ADAP1: variants seen among roughly 807,000 people sequenced by gnomAD.
ADAP1 encodes ArfGAP with dual PH domains 1, also known as arf-GAP with dual PH domain-containing protein 1.
Under a neutral mutation model 54.9 loss-of-function variants are expected in ADAP1, and 31 were observed. That is an observed-to-expected ratio of 0.56 (90% CI 0.42 to 0.76). ADAP1 has a LOEUF of 0.76. Ranked by LOEUF, ADAP1 falls within the 30% of genes least tolerant of loss-of-function variation. The pLI is 0.00. For synonymous variants in ADAP1, 313 were observed against 202.6 expected (o/e 1.55, Z -4.63); for missense variants, 535 against 512.4 (o/e 1.04, Z -0.42).
intron 3 of ADAP1, chr7:923,404 A>C (rs1314086096): frequency 6.6e-6 from 1 of 151,762 alleles, no homozygotes; most frequent in Non-Finnish European, 1.5e-5. Context: ...CACAGGAAGC[A>C]GGGAGGGGCC....
chr7:918,234 T>C (rs2128103898), intron 4 of ADAP1, among the ~76,000 whole-genome samples: 1 of 152,212 alleles, frequency 6.6e-6, no homozygotes, highest in Admixed American at 6.5e-5. Flanking sequence ...TTTTTGTTTC[T>C]AAGACAGAGT....
chr7:935,152 G>A (rs749961397), intron 2 of ADAP1: 56 of 690,924 alleles, frequency 8.1e-5, no homozygotes, highest in Non-Finnish European at 1.4e-4. Context: ...CACACCTGGA[G>A]CTGCTCACAG....
chr7:903,329 C>T (rs1309083952), intron 6 of ADAP1, among the ~76,000 whole-genome samples: 1 of 152,144 alleles, frequency 6.6e-6, no homozygotes, highest in Non-Finnish European at 1.5e-5. Context: ...AGAGCTGGAA[C>T]CTCTACTTCC....
At chr7:925,360 TTAAA>T (rs1562928797) in intron 3 of ADAP1, among the ~76,000 whole-genome samples, 2 of 73,452 alleles carry the variant, frequency 2.7e-5, no homozygotes, top group African/African-American at 1.2e-4. Flanking sequence ...GTCTCTATAT[TTAAA>T]AAAAAAAAAA....
At chr7:925,915 G>A (rs928774488) in intron 3 of ADAP1, among the ~76,000 whole-genome samples, 1 of 152,180 alleles carries the variant, frequency 6.6e-6, no homozygotes, top group African/African-American at 2.4e-5. Flanking sequence ...GCACCCAGTG[G>A]GCCAACACGT....
At chr7:922,385 C>T (rs1175506531) in intron 3 of ADAP1, among the ~76,000 whole-genome samples, 1 of 152,100 alleles carries the variant, frequency 6.6e-6, no homozygotes, top group African/African-American at 2.4e-5. Flanking sequence ...GGCAGGGGGC[C>T]GGGCAGGTGC....
At chr7:923,591 G>A (rs565795687) in intron 3 of ADAP1, among the ~76,000 whole-genome samples, 324 of 152,082 alleles carry the variant, frequency 2.1e-3, no homozygotes, top group African/African-American at 6.0e-3. Flanking sequence ...CCTCCCCTGC[G>A]GGTGCAGCCT....
chr7:915,172 G>A (rs1016990766), intron 4 of ADAP1, among the ~76,000 whole-genome samples: 4 of 72,470 alleles, frequency 5.5e-5, no homozygotes, highest in African/African-American at 2.9e-4. Context: ...CTGCTGCCAG[G>A]TAACACCTGG....
At chr7:923,454 C>A (rs367579903) in intron 3 of ADAP1, 3 of 151,870 alleles carry the variant, frequency 2.0e-5, no homozygotes, top group Admixed American at 1.3e-4. Context: ...AGCGGCCGCA[C>A]GACTTTCTTT....
intron 3 of ADAP1, among the ~76,000 whole-genome samples, chr7:922,321 C>T (rs1440843463): frequency 1.3e-5 from 2 of 152,200 alleles, no homozygotes; most frequent in African/African-American, 4.8e-5. Context: ...CCTTCAAGGC[C>T]AGGGCCTCAG....
At chr7:908,462 C>CA (rs1032273149) in intron 4 of ADAP1, among the ~76,000 whole-genome samples, 5 of 152,180 alleles carry the variant, frequency 3.3e-5, no homozygotes, top group African/African-American at 4.8e-5. Flanking sequence ...CCCCGCTCCC[C>CA]AAGCCTCTAC....
At chr7:900,037 C>T in intron 8 of ADAP1, 65 bp downstream of exon 8, 1 of 1,586,592 alleles carries the variant, frequency 6.3e-7, no homozygotes. Flanking sequence ...GGCTGCTGCA[C>T]TTCAGTCCGA....
At chr7:940,339 CACACACACACA>C (rs1424370144) in intron 1 of ADAP1, among the ~76,000 whole-genome samples, 1 of 91,894 alleles carries the variant, frequency 1.1e-5, no homozygotes, top group Non-Finnish European at 2.7e-5. Flanking sequence ...GTCACACACA[CACACACACACA>C]CACACACACA....
At position 927,279 on chromosome 7, in the gene ADAP1, G is replaced by A. The variant is rs1846423107; in HGVS notation, c.214-635C>T. ...TCGTTCCAGGAGGCTCGTGCTCCAG[G>A]AGGCTGTCACGCACACTGTGCTCCT... On this transcript the variant is annotated intron_variant, in intron 2 of 10. Coordinates refer to ENST00000265846, the MANE Select transcript of ADAP1 (RefSeq NM_006869.4). The A allele has an allele frequency of 3.2e-6, 4 of 1,231,462 alleles. No homozygotes were observed. In the East Asian group the frequency reaches 1.7e-4, roughly 54 times the overall value. 76.3% of individuals were successfully genotyped at this position (1,231,462 alleles called of 1,614,324 possible). A position where few individuals can be genotyped will look rare whatever the true frequency, so the allele number is the denominator to read the frequency against.
At chr7:936,258 T>A (rs992988044) in intron 1 of ADAP1, among the ~76,000 whole-genome samples, 2 of 151,788 alleles carry the variant, frequency 1.3e-5, no homozygotes, top group Non-Finnish European at 2.9e-5. Context: ...TGGAGTATGA[T>A]GGCACGATCT....
rs991012494 is a variant in ADAP1, at chr7:938,662, C to T, written c.83-3157G>A. Among the ~76,000 whole-genome samples the T allele has an allele frequency of 3.3e-5, 5 of 152,180 alleles. No individual in the cohort carries two copies. The highest frequency in any genetic ancestry group is 4.1e-4 in the South Asian group (2 of 4,824). ...GGCGCCCAGAAGGCACGCCAGTCTC[C>T]GGGCCTCGGTCTCCTCATCTGTCGG... is the stretch of plus-strand genomic sequence containing the variant. On this transcript the variant is annotated intron_variant, in intron 1 of 10. Coordinates refer to ENST00000265846, the MANE Select transcript of ADAP1 (RefSeq NM_006869.4). This position sits in a 1 kb window ranked among gnomAD's most constrained non-coding sequence, Gnocchi z 4.4.
chr7:935,898 C>G (rs1294815064), intron 1 of ADAP1, among the ~76,000 whole-genome samples: 1 of 152,214 alleles, frequency 6.6e-6, no homozygotes, highest in Non-Finnish European at 1.5e-5. Flanking sequence ...TCTGTGGGCC[C>G]GAATCCTCCT....
At position 925,053 on chromosome 7, in the gene ADAP1, G is replaced by A. The variant is rs543263331; in HGVS notation, c.305+1500C>T. Among the ~76,000 whole-genome samples the A allele has an allele frequency of 1.5e-4, 23 of 152,090 alleles. No homozygotes were observed. The Middle Eastern group carries it at 0.01, about 67-fold the overall frequency. On this transcript the variant is annotated intron_variant, in intron 3 of 10. Transcript: ENST00000265846. ...TGCACGGGGCTGAGTCGCCAGCCTC[G>A]GCCTTCTCAGTGGCGATGTGGGGAT...
In ADAP1 at chr7:949,515, C is replaced by T. The variant is rs1583191470; in HGVS notation, c.82+4881G>A. Reference sequence around the variant, plus strand: ...GCCTGGGGGCAGGGGCAGTGCCACACCTAACCTGAGATATGTCCAGAGCTG... The same window carrying T: ...GCCTGGGGGCAGGGGCAGTGCCACATCTAACCTGAGATATGTCCAGAGCTG... On this transcript the variant is annotated intron_variant, in intron 1 of 10. Coordinates refer to ENST00000265846, the MANE Select transcript of ADAP1 (RefSeq NM_006869.4). 2.6e-5 allele frequency among the ~76,000 whole-genome samples: 4 copies of T among 152,224 alleles called. No individual in the cohort carries two copies. The South Asian group carries it at 8.3e-4, about 32-fold the overall frequency.
Sources: allele counts gnomAD v4.1 joint callset (sites outside exome capture counted in the v4.1 genomes callset), GRCh38; gene constraint gnomAD v4.1.1; non-coding constraint Gnocchi (gnomAD v3.1); transcripts MANE v1.5; gene names NCBI Gene and HGNC (gene_info 2026-07-23, HGNC 2026-07-21).